GNA14: variants seen among roughly 807,000 people sequenced by gnomAD.
GNA14 encodes the protein guanine nucleotide-binding protein subunit alpha-14.
A neutral mutation model predicts 42.0 loss-of-function variants in GNA14; 50 were observed. The observed-to-expected ratio is 1.19, with a 90% confidence interval of 0.95 to 1.51. GNA14 has a LOEUF of 1.51. Ranked by LOEUF, GNA14 falls within the 40% of genes most tolerant of loss-of-function variation. The pLI is 0.00. For missense variants in GNA14, 473 were observed against 446.2 expected, an observed-to-expected ratio of 1.06 and a Z score of -0.54; for synonymous variants, 173 against 163.1, an observed-to-expected ratio of 1.06 and a Z score of -0.46.
chr9:77,474,334 G>GA (rs1240565366), intron 2 of GNA14, among the ~76,000 whole-genome samples: 3 of 152,026 alleles, frequency 2.0e-5, no homozygotes, highest in African/African-American at 4.8e-5. Flanking sequence ...ATTTTAAAAT[G>GA]AAAAAAATTT....
intron 1 of GNA14, among the ~76,000 whole-genome samples, chr9:77,597,963 T>C (rs191463644): frequency 2.6e-3 from 398 of 152,168 alleles, no homozygotes; most frequent in Non-Finnish European, 4.3e-3. Context: ...AGCTTGAACC[T>C]GGGAGGTGGA....
At chr9:77,520,014 A>G (rs1837326369) in intron 2 of GNA14, among the ~76,000 whole-genome samples, 1 of 152,160 alleles carries the variant, frequency 6.6e-6, no homozygotes, top group Non-Finnish European at 1.5e-5. Flanking sequence ...ATCTCAAGAA[A>G]GTAAAAATAA....
At chr9:77,455,358 T>A (rs1173929594) in intron 2 of GNA14, among the ~76,000 whole-genome samples, 7 of 152,222 alleles carry the variant, frequency 4.6e-5, no homozygotes, top group Admixed American at 4.6e-4. Flanking sequence ...CCCAGGATTA[T>A]CTCCTTTTGA....
chr9:77,581,383 A>C (rs1371626262), intron 1 of GNA14, among the ~76,000 whole-genome samples: 1 of 152,196 alleles, frequency 6.6e-6, no homozygotes, highest in Non-Finnish European at 1.5e-5. Context: ...CAAATCTTCT[A>C]ACCTCTCTGT....
At chr9:77,493,016 A>ATATAT (rs1256212803) in intron 2 of GNA14, among the ~76,000 whole-genome samples, 10 of 91,636 alleles carry the variant, frequency 1.1e-4, no homozygotes, top group South Asian at 3.1e-4. Context: ...AAAAAAAAAA[A>ATATAT]AAAAAAAAAA....
At chr9:77,575,447 G>A (rs1309863512) in intron 1 of GNA14, among the ~76,000 whole-genome samples, 1 of 152,116 alleles carries the variant, frequency 6.6e-6, no homozygotes, top group Non-Finnish European at 1.5e-5. Flanking sequence ...TTCTTATTGA[G>A]ATATCAAATT....
chr9:77,486,008 G>A (rs1031247685), intron 2 of GNA14, among the ~76,000 whole-genome samples: 2 of 152,160 alleles, frequency 1.3e-5, no homozygotes, highest in African/African-American at 4.8e-5. Flanking sequence ...CCCCTAACAA[G>A]AGAGTCAGCC....
chr9:77,447,705 C>T (rs999952755), intron 2 of GNA14, among the ~76,000 whole-genome samples: 1 of 152,056 alleles, frequency 6.6e-6, no homozygotes, highest in Non-Finnish European at 1.5e-5. Flanking sequence ...CTTGAAGGGC[C>T]CTGGAGTCCT....
intron 1 of GNA14, among the ~76,000 whole-genome samples, chr9:77,576,145 A>G (rs1281976532): frequency 6.6e-6 from 1 of 152,308 alleles, no homozygotes; most frequent in East Asian, 1.9e-4. Context: ...CTATATTCCT[A>G]TGGATTTTCA....
At chr9:77,510,502 T>C (rs1234104563) in intron 2 of GNA14, among the ~76,000 whole-genome samples, 1 of 152,106 alleles carries the variant, frequency 6.6e-6, no homozygotes, top group East Asian at 1.9e-4. Context: ...GCCCGGCTAA[T>C]TTTTGTATTT....
Position 77,481,556 on chromosome 9 carries a change from C to T in GNA14, c.310-47034G>A, listed in dbSNP as rs1256116711. Among the ~76,000 whole-genome samples, 3 of 152,126 alleles carry T rather than the reference C, an allele frequency of 2.0e-5. No individual in the cohort carries two copies. The South Asian group carries it at 6.2e-4, about 31-fold the overall frequency. On this transcript the variant is annotated intron_variant, in intron 2 of 6. Transcript: ENST00000341700. ...TTGGGGTGGAGAGTTCTGTAGATGT[C>T]TATTAGGTCTGCTTGGTGCAGAGGT... is the stretch of plus-strand genomic sequence containing the variant.
chr9:77,603,972 A>AAAAAAAAAAAAAAC (rs1564064436), intron 1 of GNA14, among the ~76,000 whole-genome samples: 2 of 148,506 alleles, frequency 1.3e-5, no homozygotes. Flanking sequence ...AAAAAAAAAA[A>AAAAAAAAAAAAAAC]AAAAAAAAAC....
At chr9:77,550,854 C>T (rs925617995) in intron 1 of GNA14, among the ~76,000 whole-genome samples, 6 of 152,168 alleles carry the variant, frequency 3.9e-5, no homozygotes, top group Admixed American at 3.3e-4. Context: ...TGGTCACCTT[C>T]GTATTCACTC....
intron 1 of GNA14, among the ~76,000 whole-genome samples, chr9:77,543,350 T>G (rs1331892532): frequency 6.6e-6 from 1 of 152,108 alleles, no homozygotes; most frequent in Non-Finnish European, 1.5e-5. Context: ...TGCAGTGGGA[T>G]TTGTCCTCAA....
intron 2 of GNA14, among the ~76,000 whole-genome samples, chr9:77,473,566 C>A (rs1836368355): frequency 6.6e-6 from 1 of 150,772 alleles, no homozygotes; most frequent in Non-Finnish European, 1.5e-5. Context: ...CACTCCCCAA[C>A]CTGATCTACA....
At chr9:77,591,057 G>A (rs999569458) in intron 1 of GNA14, among the ~76,000 whole-genome samples, 3 of 152,188 alleles carry the variant, frequency 2.0e-5, no homozygotes, top group African/African-American at 4.8e-5. Flanking sequence ...CTCATTTTTA[G>A]TGATAGACAG....
At chr9:77,433,565 G>A (rs962922404) in intron 3 of GNA14, among the ~76,000 whole-genome samples, 8 of 151,926 alleles carry the variant, frequency 5.3e-5, no homozygotes, top group Admixed American at 2.0e-4. Context: ...GTCTTGCTCT[G>A]CTGCCCAGGC....
At chr9:77,637,965 G>A (rs1250052133) in intron 1 of GNA14, among the ~76,000 whole-genome samples, 1 of 152,020 alleles carries the variant, frequency 6.6e-6, no homozygotes, top group Non-Finnish European at 1.5e-5. Context: ...AATACTGGAA[G>A]ATCAATATAT....
At position 77,647,705 on chromosome 9, in the gene GNA14, T is replaced by C. The variant is rs1824381005; in HGVS notation, c.89A>G (p.Lys30Arg). ...EIERQLRRDK[K>R]DARRELKLLL... is the part of the protein sequence containing the mutation. ...CAGCTTAAGCTCACGGCGCGCGTCCTTCTTGTCCCGACGAAGCTGTCGCTC... is the reference window on the plus strand; with the variant it reads ...CAGCTTAAGCTCACGGCGCGCGTCCCTCTTGTCCCGACGAAGCTGTCGCTC... Residue 30 changes from lysine to arginine, a missense_variant, in exon 1 of 7, where the codon AAG becomes AGG. Transcript: ENST00000341700. The C allele has an allele frequency of 1.2e-6, 2 of 1,610,398 alleles. No individual in the cohort carries two copies. Among genetic ancestry groups the C allele is most frequent in the Non-Finnish European group, 1.7e-6 (2 of 1,178,712 alleles).
Sources: gnomAD v4.1 joint callset for allele counts (sites outside exome capture counted in the v4.1 genomes callset) on GRCh38, gnomAD v4.1.1 for gene constraint, MANE v1.5 for transcripts, NCBI Gene and HGNC (gene_info 2026-07-23, HGNC 2026-07-21) for gene names.